The following LARGE1 variants were observed in gnomAD, a reference collection of about 807,000 sequenced individuals.
The protein encoded by LARGE1 is xylosyl- and glucuronyltransferase LARGE1.
Under a neutral mutation model 87.6 loss-of-function variants are expected in LARGE1, and 43 were observed. That is an observed-to-expected ratio of 0.49 (90% CI 0.38 to 0.63). LARGE1 has a LOEUF of 0.63. Ranked by LOEUF, LARGE1 falls within the 30% of genes least tolerant of loss-of-function variation. LARGE1 has a pLI of 0.00. For missense variants in LARGE1, 802 were observed against 1,000.2 expected, an observed-to-expected ratio of 0.80 and a Z score of 2.67; for synonymous variants, 434 against 394.6, an observed-to-expected ratio of 1.10 and a Z score of -1.18.
At chr22:33,783,337 G>A (rs1040154464) in intron 1 of LARGE1, among the ~76,000 whole-genome samples, 3 of 152,124 alleles carry the variant, frequency 2.0e-5, no homozygotes, top group South Asian at 2.1e-4. Context: ...AGGCTGAGGC[G>A]GTGGATCACC....
At chr22:33,836,036 A>C (rs768537349) in intron 1 of LARGE1, among the ~76,000 whole-genome samples, 1 of 152,244 alleles carries the variant, frequency 6.6e-6, no homozygotes, top group Non-Finnish European at 1.5e-5. Context: ...ATACATGTAC[A>C]CAAACAAGCA....
At chr22:33,752,355 A>C (rs1213269525) in intron 2 of LARGE1, among the ~76,000 whole-genome samples, 1 of 152,190 alleles carries the variant, frequency 6.6e-6, no homozygotes, top group Non-Finnish European at 1.5e-5. Flanking sequence ...GGACCCTCTG[A>C]ATAAAATCCT....
Position 33,917,383 on chromosome 22 carries a change from G to C in LARGE1, c.-83+2612C>G, listed in dbSNP as rs186344515. ...ATCTTCCAATTCTGCTGGAAGGGCT[G>C]TGGACATTAATGATTTCATACTATT... is the stretch of plus-strand genomic sequence containing the variant. On this transcript the variant is annotated intron_variant, in intron 1 of 14. Transcript: ENST00000397394. Among the ~76,000 whole-genome samples, 21 of 152,338 alleles carry C rather than the reference G, an allele frequency of 1.4e-4. No homozygotes were observed. In the East Asian group the frequency reaches 3.7e-3, roughly 27 times the overall value.
At chr22:33,082,355 T>C in the LARGE1 span, among the ~76,000 whole-genome samples, 4 of 152,206 alleles carry the variant, frequency 2.6e-5, no homozygotes, top group African/African-American at 9.6e-5. Context: ...AGTATTCTGC[T>C]CAGAGGAGTC....
the LARGE1 span, among the ~76,000 whole-genome samples, chr22:33,124,944 G>A: frequency 7.2e-5 from 11 of 152,346 alleles, no homozygotes; most frequent in African/African-American, 2.4e-4. Context: ...CAAAGCTATC[G>A]CATAGGCAGT....
At chr22:33,497,567 A>G (rs1315068982) in intron 6 of LARGE1, among the ~76,000 whole-genome samples, 2 of 152,244 alleles carry the variant, frequency 1.3e-5, no homozygotes, top group Non-Finnish European at 1.5e-5. Context: ...CATTCACATA[A>G]GATCACTGCC....
chr22:33,340,415 G>T (rs758785668), intron 9 of LARGE1, among the ~76,000 whole-genome samples: 2 of 151,876 alleles, frequency 1.3e-5, no homozygotes, highest in Non-Finnish European at 2.9e-5. Flanking sequence ...AAGGGGACAG[G>T]TTGAGTCCAG....
chr22:33,352,875 A>G (rs923095657), intron 9 of LARGE1, among the ~76,000 whole-genome samples: 1 of 152,242 alleles, frequency 6.6e-6, no homozygotes, highest in Non-Finnish European at 1.5e-5. Flanking sequence ...ATCCTTCCAA[A>G]TAAAAGTTTA....
chr22:33,174,649 A>G (rs1346250589), intron 11 of LARGE1, among the ~76,000 whole-genome samples: 1 of 152,202 alleles, frequency 6.6e-6, no homozygotes, highest in Admixed American at 6.5e-5. Flanking sequence ...AATAAAAATG[A>G]GAAAGGGAAT....
chr22:33,676,006 T>C (rs1320229570), intron 2 of LARGE1, among the ~76,000 whole-genome samples: 1 of 145,206 alleles, frequency 6.9e-6, no homozygotes, highest in African/African-American at 2.8e-5. Flanking sequence ...GAGGTTTTCT[T>C]TTTTTTTTTA....
intron 7 of LARGE1, among the ~76,000 whole-genome samples, chr22:33,429,307 TCA>T (rs969406545): frequency 2.6e-5 from 4 of 152,292 alleles, no homozygotes; most frequent in African/African-American, 9.6e-5. Flanking sequence ...TAATAATCAC[TCA>T]GTGTCACTGG....
chr22:33,726,585 T>G (rs2083279089), intron 2 of LARGE1, among the ~76,000 whole-genome samples: 1 of 152,204 alleles, frequency 6.6e-6, no homozygotes, highest in African/African-American at 2.4e-5. Flanking sequence ...CCTCCCCTCC[T>G]CCTTTCCTTG....
chr22:33,071,870 G>A, the LARGE1 span, among the ~76,000 whole-genome samples: 13 of 152,228 alleles, frequency 8.5e-5, no homozygotes, highest in African/African-American at 2.9e-4. Context: ...CGAGATCAAG[G>A]CCCCAGCCTT....
chr22:33,218,572 T>C (rs1163074902), intron 11 of LARGE1, among the ~76,000 whole-genome samples: 1 of 152,176 alleles, frequency 6.6e-6, no homozygotes, highest in African/African-American at 2.4e-5. Context: ...TTGTTGTCTG[T>C]ACATGCCATG....
chr22:33,903,820 T>C (rs768428775), intron 1 of LARGE1, among the ~76,000 whole-genome samples: 4 of 151,942 alleles, frequency 2.6e-5, no homozygotes, highest in Non-Finnish European at 5.9e-5. Context: ...CGAGACTCCA[T>C]CTCCAAAAAA....
chr22:33,232,464 C>T (rs79661951), intron 11 of LARGE1, among the ~76,000 whole-genome samples: 3,256 of 152,290 alleles, frequency 0.021, 116 homozygotes, highest in African/African-American at 0.072. Context: ...CTGTCATGCT[C>T]ATCCGCCAGG....
At chr22:33,736,173 G>A (rs978492681) in intron 2 of LARGE1, among the ~76,000 whole-genome samples, 18 of 152,260 alleles carry the variant, frequency 1.2e-4, no homozygotes, top group Middle Eastern at 3.4e-3. Context: ...GGAATTGCTG[G>A]GCCACATGTC....
At chr22:33,838,625 A>AAAATAAAT (rs979596329) in intron 1 of LARGE1, among the ~76,000 whole-genome samples, 1 of 152,172 alleles carries the variant, frequency 6.6e-6, no homozygotes, top group Non-Finnish European at 1.5e-5. Flanking sequence ...TGTCCCCAGC[A>AAAATAAAT]AAATAAATAA....
chr22:33,900,668 T>C (rs1407557373), intron 1 of LARGE1, among the ~76,000 whole-genome samples: 2 of 152,160 alleles, frequency 1.3e-5, no homozygotes, highest in Non-Finnish European at 2.9e-5. Flanking sequence ...TGACCTTCAT[T>C]GGAAATAGGG....
Sources: allele counts gnomAD v4.1 joint callset (sites outside exome capture counted in the v4.1 genomes callset), GRCh38; gene constraint gnomAD v4.1.1; transcripts MANE v1.5; gene names NCBI Gene and HGNC (gene_info 2026-07-23, HGNC 2026-07-21).